ANGPTL1: variants seen among roughly 807,000 people sequenced by gnomAD.
ANGPTL1 encodes angiopoietin like 1.
ANGPTL1 carries 36 observed loss-of-function variants against 46.7 expected under a neutral mutation model. That is an observed-to-expected ratio of 0.77 (90% CI 0.59 to 1.02). The LOEUF is 1.02. ANGPTL1 is among the 50% of genes least tolerant of loss of function. The probability of loss-of-function intolerance (pLI) is 0.00; values close to 1 mark genes in which losing one functional copy is unlikely to be tolerated. For missense variants in ANGPTL1, 571 were observed against 594.7 expected, an observed-to-expected ratio of 0.96 and a Z score of 0.41; for synonymous variants, 221 against 204.3, an observed-to-expected ratio of 1.08 and a Z score of -0.69.
intron 3 of ANGPTL1, among the ~76,000 whole-genome samples, chr1:178,856,196 G>GATATATAT (rs1449088390): frequency 4.9e-5 from 2 of 41,054 alleles, no homozygotes; most frequent in Admixed American, 2.6e-4. Flanking sequence ...TTTCCAGAGA[G>GATATATAT]AGAGAGATAT....
intron 5 of ANGPTL1, among the ~76,000 whole-genome samples, chr1:178,851,953 T>C (rs1294505443): frequency 6.6e-6 from 1 of 152,142 alleles, no homozygotes; most frequent in Non-Finnish European, 1.5e-5. Context: ...GTCAAAAGCA[T>C]ATGAAAACTA....
At position 178,865,125 on chromosome 1, in the gene ANGPTL1, C is replaced by T. The variant is rs149644362; in HGVS notation, c.652G>A (p.Val218Met). 6.3e-7 allele frequency: 1 copy of T among 1,587,558 alleles called. No individual in the cohort carries two copies. Among genetic ancestry groups the T allele is most frequent in the South Asian group, 1.2e-5 (1 of 85,528 alleles). Residue 218 changes from valine (V) to methionine (M), a missense_variant, in exon 3 of 6, where the codon GTG becomes ATG. Coordinates refer to ENST00000234816, the MANE Select transcript of ANGPTL1 (RefSeq NM_004673.4). The part of the protein sequence containing the change: ...DTHVSPPLVQ[V>M]VPQHIPNSQQ... ...CTGTTAGGAATATGTTGTGGCACCA[C>T]CTGGACAAGTGGGGGAGACACATGG...
At position 178,856,394 on chromosome 1, in the gene ANGPTL1, A is replaced by ATTTTTTTTTTTTTTTT. The variant is rs71108081; in HGVS notation, c.824-2623_824-2608dup. ...AGGCAAGTGCCACCCTGCCTGGCTA[A>ATTTTTTTTTTTTTTTT]TTTTTTTTTTTTTTTTTTTTTTTTT... On this transcript the variant is annotated intron_variant, in intron 3 of 5. Transcript: ENST00000234816. Among the ~76,000 whole-genome samples the ATTTTTTTTTTTTTTTT allele has an allele frequency of 1.7e-3, 62 of 36,430 alleles. 16 individuals are homozygous for ATTTTTTTTTTTTTTTT. Among genetic ancestry groups the ATTTTTTTTTTTTTTTT allele is most frequent in the African/African-American group, 4.7e-3 (32 of 6,866 alleles). 23.9% of individuals were successfully genotyped at this position (36,430 alleles called of 152,430 possible).
chr1:178,862,589 TTTTTTTTATTTA>T (rs138015433), intron 3 of ANGPTL1, among the ~76,000 whole-genome samples: 3,012 of 129,472 alleles, frequency 0.023, 109 homozygotes, highest in African/African-American at 0.088. Flanking sequence ...AGGAGTTGCA[TTTTTTTTATTTA>T]TTTATTTATT....
At chr1:178,861,959 G>GC (rs371689586) in intron 3 of ANGPTL1, among the ~76,000 whole-genome samples, 1 of 151,760 alleles carries the variant, frequency 6.6e-6, no homozygotes, top group Non-Finnish European at 1.5e-5. Context: ...TGCAACCTCC[G>GC]CCCCCCAGGT....
At chr1:178,854,939 C>A (rs897279119) in intron 3 of ANGPTL1, among the ~76,000 whole-genome samples, 6 of 151,944 alleles carry the variant, frequency 3.9e-5, no homozygotes, top group African/African-American at 7.3e-5. Context: ...GTGTTTCGAG[C>A]CTTTTTTATA....
Position 178,850,272 on chromosome 1 carries a change from A to G in ANGPTL1, c.*857T>C, listed in dbSNP as rs1301618434. ...GTTTTTTTTTCTTTGTAGTAGTAAG[A>G]TCAGTAAATTAGAAAAAAAGTAATA... is the stretch of plus-strand genomic sequence containing the variant. On this transcript the variant is annotated 3_prime_UTR_variant, in exon 6 of 6. Coordinates refer to ENST00000234816, the MANE Select transcript of ANGPTL1 (RefSeq NM_004673.4). 6.6e-6 allele frequency: 1 copy of G among 152,574 alleles called. No homozygotes were observed. Among genetic ancestry groups the G allele is most frequent in the African/African-American group, 2.4e-5 (1 of 41,444 alleles). 9.5% of individuals were successfully genotyped at this position (152,574 alleles called of 1,614,324 possible). A position where few individuals can be genotyped will look rare whatever the true frequency, so the allele number is the denominator to read the frequency against.
intron 3 of ANGPTL1, among the ~76,000 whole-genome samples, chr1:178,856,420 T>TTTTTTTTTTTTTTTTTTG (rs1558152822): frequency 8.3e-6 from 1 of 120,566 alleles, no homozygotes; most frequent in Non-Finnish European, 1.7e-5. Context: ...TTTTTTTTTT[T>TTTTTTTTTTTTTTTTTTG]TTTTTTGAGA....
chr1:178,857,599 A>C (rs539272293), intron 3 of ANGPTL1, among the ~76,000 whole-genome samples: 6 of 152,342 alleles, frequency 3.9e-5, no homozygotes, highest in African/African-American at 1.4e-4. Context: ...TAGTTAATGC[A>C]CACATGAAAG....
chr1:178,864,903 A>G (rs1658282548), intron 3 of ANGPTL1, 51 bp downstream of exon 3: 2 of 1,242,452 alleles, frequency 1.6e-6, no homozygotes, highest in South Asian at 5.1e-5. Flanking sequence ...TTCATAAGGC[A>G]TAAAAATATA....
intron 3 of ANGPTL1, among the ~76,000 whole-genome samples, chr1:178,861,099 T>G (rs1373016156): frequency 6.6e-6 from 1 of 152,198 alleles, no homozygotes; most frequent in African/African-American, 2.4e-5. Context: ...TGGCAGTGAC[T>G]TACCCAAGGT....
At position 178,852,746 on chromosome 1, in the gene ANGPTL1, A is replaced by C; in HGVS notation, c.1225T>G (p.Ser409Ala). The C allele has an allele frequency of 1.2e-6, 2 of 1,613,906 alleles. No homozygotes were observed. The highest frequency in any genetic ancestry group is 2.2e-5 in the South Asian group (2 of 91,074). ...TGTTTACCATTATGCCACATCATAG[A>C]ATCCCCTGCATTTCCCTGGTAAGTT... Reference protein sequence around the residue: ...LGTYQGNAGDSMMWHNGKQFT... With the variant: ...LGTYQGNAGDAMMWHNGKQFT... Residue 409 changes from serine to alanine, a missense_variant, in exon 5 of 6, where the codon TCT (serine) becomes GCT (alanine). Transcript: ENST00000234816.
At chr1:178,866,086 A>G (rs1033381509) in intron 2 of ANGPTL1, among the ~76,000 whole-genome samples, 1 of 152,018 alleles carries the variant, frequency 6.6e-6, no homozygotes, top group South Asian at 2.1e-4. Context: ...GTCAGTGTCT[A>G]CTCTGTGCAA....
chr1:178,869,106 A>ATACT lies in ANGPTL1; in HGVS notation c.-27+4_-27+7dup, dbSNP rs1658591725. ...GAGAATGTTATAAATTAGTTATAGA[A>ATACT]TACTTACGTTTAAATTTAAGTCTTT... On this transcript the variant is annotated splice_region_variant and intron_variant, in intron 2 of 5. Coordinates refer to ENST00000234816, the MANE Select transcript of ANGPTL1 (RefSeq NM_004673.4). 1 of 152,100 alleles carries ATACT rather than the reference A, an allele frequency of 6.6e-6. No individual in the cohort carries two copies. The highest frequency in any genetic ancestry group is 1.5e-5 in the Non-Finnish European group (1 of 67,960). 9.4% of individuals were successfully genotyped at this position (152,100 alleles called of 1,614,324 possible). A position where few individuals can be genotyped will look rare whatever the true frequency, so the allele number is the denominator to read the frequency against.
Position 178,857,197 on chromosome 1 carries a change from G to A in ANGPTL1, c.824-3410C>T, listed in dbSNP as rs1022931511. Among the ~76,000 whole-genome samples, 3 of 152,182 alleles carry A rather than the reference G, an allele frequency of 2.0e-5. No individual in the cohort carries two copies. In the East Asian group the frequency reaches 5.8e-4, roughly 29 times the overall value. ...TAGATTATTGCGTGTAATGCAGGTA[G>A]TATATTTGTATACTTACAGTATTCA... On this transcript the variant is annotated intron_variant, in intron 3 of 5. Transcript: ENST00000234816.
intron 3 of ANGPTL1, among the ~76,000 whole-genome samples, chr1:178,856,198 GAGAGATAT>G (rs1229277167): frequency 2.1e-5 from 1 of 47,274 alleles, no homozygotes; most frequent in African/African-American, 6.2e-5. Flanking sequence ...TCCAGAGAGA[GAGAGATAT>G]ATATATATAT....
At chr1:178,870,007 T>G (rs1658652494) in intron 1 of ANGPTL1, among the ~76,000 whole-genome samples, 1 of 152,150 alleles carries the variant, frequency 6.6e-6, no homozygotes, top group Non-Finnish European at 1.5e-5. Flanking sequence ...TATTTTCTAT[T>G]GTTAATACCA....
rs71108081 is a variant in ANGPTL1 at position 178,856,394 on chromosome 1, ATTTTTTTTTTTTTT to A, written c.824-2621_824-2608del. Among the ~76,000 whole-genome samples the A allele has an allele frequency of 2.3e-3, 85 of 36,430 alleles. 3 individuals are homozygous for A. Among genetic ancestry groups the A allele is most frequent in the Admixed American group, 1.6e-3 (5 of 3,158 alleles). The allele number at this position is 36,430 out of a possible 152,430, so 23.9% of individuals were successfully genotyped here. On this transcript the variant is annotated intron_variant, in intron 3 of 5. Coordinates refer to ENST00000234816, the MANE Select transcript of ANGPTL1 (RefSeq NM_004673.4). ...AGGCAAGTGCCACCCTGCCTGGCTA[ATTTTTTTTTTTTTT>A]TTTTTTTTTTTTTTTTTTGAGAGAT...
rs570756525 is a variant in ANGPTL1 at position 178,866,485 on chromosome 1, T to C, written c.-26-683A>G. 7.2e-5 allele frequency among the ~76,000 whole-genome samples: 11 copies of C among 152,302 alleles called. No homozygotes were observed. The East Asian group carries it at 1.9e-3, about 27-fold the overall frequency. ...TGCTCACAGTCATTGTGGGTAATTATATTTCCTGAACTGTAATTATATGTA... is the reference window on the plus strand; with the variant it reads ...TGCTCACAGTCATTGTGGGTAATTACATTTCCTGAACTGTAATTATATGTA... On this transcript the variant is annotated intron_variant, in intron 2 of 5. Transcript: ENST00000234816.
Sources: gnomAD v4.1 joint callset for allele counts (sites outside exome capture counted in the v4.1 genomes callset) on GRCh38, gnomAD v4.1.1 for gene constraint, MANE v1.5 for transcripts, NCBI Gene and HGNC (gene_info 2026-07-23, HGNC 2026-07-21) for gene names.